The following RP1L1 variants were observed in gnomAD, a reference collection of about 807,000 sequenced individuals.
RP1L1 encodes RP1 like 1.
Under a neutral mutation model 15.7 loss-of-function variants are expected in RP1L1, and 27 were observed. The observed-to-expected ratio is 1.72, with a 90% CI of 1.27 to 2.38. The LOEUF is 2.38. Among genes scored for constraint, RP1L1 ranks in the 30% most tolerant of loss-of-function variants. The pLI is 0.00. For missense variants in RP1L1, 4,798 were observed against 3,075.9 expected, an observed-to-expected ratio of 1.56 and a Z score of -13.24; for synonymous variants, 1,813 against 1,276.7, an observed-to-expected ratio of 1.42 and a Z score of -8.96.
chr8:10,619,637 C>T (rs1353082244), intron 2 of RP1L1, among the ~76,000 whole-genome samples: 1 of 151,892 alleles, frequency 6.6e-6, no homozygotes, highest in African/African-American at 2.4e-5. Flanking sequence ...CTTAAGATGC[C>T]GAGAGAGGGC....
chr8:10,623,655 T>C (rs1272216261), intron 1 of RP1L1, among the ~76,000 whole-genome samples: 1 of 150,540 alleles, frequency 6.6e-6, no homozygotes, highest in East Asian at 2.0e-4. Context: ...AGCATTGCCA[T>C]GTCCCCAGCA....
At position 10,616,453 on chromosome 8, in the gene RP1L1, G is replaced by C. The variant is rs1300048849; in HGVS notation, c.744C>G (p.Asn248Lys). Residue 248 changes from asparagine (N) to lysine (K), a missense_variant, in exon 3 of 4, where the codon AAC (asparagine) becomes AAG (lysine). Asn to Lys is a moderately conservative substitution (Grantham distance 94, BLOSUM62 0). Transcript: ENST00000382483. ...ACCCAAAAACCAACTCACCGTTTTT[G>C]TTTCTTGAAGTCAGCCCAGATAAAG... The part of the protein sequence containing the change: ...AETLSGLTSR[N>K]KNGSWGPKTK... 2 of 1,614,096 alleles carry C rather than the reference G, an allele frequency of 1.2e-6. No homozygotes were observed. The highest frequency in any genetic ancestry group is 1.3e-5 in the African/African-American group (1 of 74,940).
rs267601691 is a variant in RP1L1 at position 10,611,916 on chromosome 8, G to A, written c.2182C>T (p.Pro728Ser). The change falls in exon 4 of 4, where the codon CCT becomes TCT. Residue 728 changes from proline to serine, a missense_variant. Pro to Ser is a moderately conservative substitution (Grantham distance 74). Coordinates refer to ENST00000382483, the MANE Select transcript of RP1L1 (RefSeq NM_178857.6). ...CTGGTTCCCAGAAGGTCCTGGGAAG[G>A]AAGAGAGCCCGAGGAGGGAGGTCTC... ...NLRPPSSGSL[P>S]SQDLLGTSSA... 5 of 1,613,898 alleles carry A rather than the reference G, an allele frequency of 3.1e-6. No homozygotes were observed. In the South Asian group the frequency reaches 4.4e-5, roughly 14 times the overall value.
chr8:10,621,815 A>G (rs1461392981), intron 2 of RP1L1: 8 of 480,834 alleles, frequency 1.7e-5, no homozygotes, highest in South Asian at 9.0e-5. Flanking sequence ...CTTGAACTCA[A>G]TAATCATAGT....
At chr8:10,619,453 G>T (rs1386020415) in intron 2 of RP1L1, among the ~76,000 whole-genome samples, 2 of 152,132 alleles carry the variant, frequency 1.3e-5, no homozygotes, top group African/African-American at 2.4e-5. Context: ...GGGTAATTCA[G>T]AGCACAGTCA....
Position 10,608,455 on chromosome 8 carries a change from T to A in RP1L1, c.5643A>T (p.Gly1881=), listed in dbSNP as rs112534810. ...SEDVEAPEAE[G]EAQPESEDVE... ...CATCTTCTGACTCTGGCTGGGCCTC[T>A]CCTTCTGCCTCTGGGGCCTCTACAT... Residue 1881 remains glycine, a synonymous_variant, in exon 4 of 4, where the codon GGA becomes GGT. Transcript: ENST00000382483. 4 of 1,562,076 alleles carry A rather than the reference T, an allele frequency of 2.6e-6. No homozygotes were observed. The highest frequency in any genetic ancestry group is 3.5e-6 in the Non-Finnish European group (4 of 1,147,560).
At chr8:10,627,797 G>C (rs1798181430) in intron 1 of RP1L1, among the ~76,000 whole-genome samples, 1 of 152,188 alleles carries the variant, frequency 6.6e-6, no homozygotes, top group Non-Finnish European at 1.5e-5. Flanking sequence ...CCACACAACA[G>C]AACTCTCTGG....
At chr8:10,622,264 G>A (rs1196635252) in intron 2 of RP1L1, among the ~76,000 whole-genome samples, 1 of 149,722 alleles carries the variant, frequency 6.7e-6, no homozygotes, top group Non-Finnish European at 1.5e-5. Flanking sequence ...AGGTTGCAGT[G>A]AGCCGAGATC....
At chr8:10,631,096 C>T (rs186321841) in intron 1 of RP1L1, among the ~76,000 whole-genome samples, 10 of 152,146 alleles carry the variant, frequency 6.6e-5, no homozygotes, top group African/African-American at 1.4e-4. Flanking sequence ...TGGTCGACTT[C>T]GGAACAGGGC....
rs1563123614 is a variant in RP1L1 at position 10,611,048 on chromosome 8, T to A, written c.3050A>T (p.Asp1017Val). The A allele has an allele frequency of 6.2e-7, 1 of 1,612,620 alleles. No homozygotes were observed. The highest frequency in any genetic ancestry group is 1.1e-5 in the South Asian group (1 of 91,058). ...AQAGQQSLEG[D>V]PGQDPEPEGA... ...CTCTGGCTCTGGGTCCTGGCCGGGG[T>A]CCCCTTCCAGGGACTGCTGTCCCGC... is the stretch of plus-strand genomic sequence containing the variant. Residue 1017 changes from aspartate to valine, a missense_variant, in exon 4 of 4, where the codon GAC (aspartate) becomes GTC (valine). Asp to Val is a radical substitution (Grantham distance 152, BLOSUM62 -3). Transcript: ENST00000382483.
intron 2 of RP1L1, 131 bp downstream of exon 2, chr8:10,622,462 T>C (rs1395712922): frequency 8.6e-7 from 1 of 1,168,734 alleles, no homozygotes; most frequent in East Asian, 2.3e-5. Flanking sequence ...GTCTCCATGC[T>C]GTTCACCTTT....
In RP1L1 at chr8:10,611,071, C is replaced by G. The variant is rs201640796; in HGVS notation, c.3027G>C (p.Ala1009=). The change falls in exon 4 of 4, where the codon GCG becomes GCC. Residue 1009 remains alanine (A), a synonymous_variant. Coordinates refer to ENST00000382483, the MANE Select transcript of RP1L1 (RefSeq NM_178857.6). The part of the protein sequence containing the change: ...SLEGLGEPAQ[A]GQQSLEGDPG... ...GGTCCCCTTCCAGGGACTGCTGTCC[C>G]GCCTGAGCTGGCTCCCCCAGGCCTT... 21 of 1,612,734 alleles carry G rather than the reference C, an allele frequency of 1.3e-5. No individual in the cohort carries two copies.
At position 10,608,981 on chromosome 8, in the gene RP1L1, G is replaced by A. The variant is rs749241014; in HGVS notation, c.5117C>T (p.Ala1706Val). 1.1e-5 allele frequency: 18 copies of A among 1,613,050 alleles called. No homozygotes were observed. In the East Asian group the frequency reaches 2.9e-4, roughly 26 times the overall value. Residue 1706 changes from alanine to valine, a missense_variant, in exon 4 of 4, where the codon GCA (alanine) becomes GTA (valine). Physicochemically the swap from Ala to Val is moderately conservative, Grantham distance 64 (BLOSUM62 0). Transcript: ENST00000382483. ...KRGEHTDGEA[A>V]EVAPGKTHTD... ...GTGGGTCTTGCCAGGGGCCACCTCTGCTGCCTCCCCATCAGTGTGTTCTCC... is the reference window on the plus strand; with the variant it reads ...GTGGGTCTTGCCAGGGGCCACCTCTACTGCCTCCCCATCAGTGTGTTCTCC...
rs1303016593 is a variant in RP1L1, at chr8:10,607,535, TC to T, written c.6562del (p.Glu2188ArgfsTer9). 3 of 1,606,920 alleles carry T rather than the reference TC, an allele frequency of 1.9e-6. No homozygotes were observed. Among genetic ancestry groups the T allele is most frequent in the Non-Finnish European group, 8.5e-7 (1 of 1,175,240 alleles). ...EGVEAPEAEG[E>X]AQPESEGIEA... Reference sequence around the variant, plus strand: ...TATACCTTCTGACTCTGGCTGGGCCTCCCCTTCTGCCTCTGGGGCCTCTACA... The same window carrying T: ...TATACCTTCTGACTCTGGCTGGGCCTCCCTTCTGCCTCTGGGGCCTCTACA... On this transcript the variant is annotated frameshift_variant, in exon 4 of 4. Transcript: ENST00000382483. LOFTEE classifies it low-confidence loss of function (END_TRUNC).
At chr8:10,642,680 C>T (rs961823890) in intron 1 of RP1L1, among the ~76,000 whole-genome samples, 1 of 152,204 alleles carries the variant, frequency 6.6e-6, no homozygotes, top group Admixed American at 6.5e-5. Context: ...CCACATTGCT[C>T]TCTGCTTCAT....
intron 1 of RP1L1, among the ~76,000 whole-genome samples, chr8:10,626,151 T>C (rs1410959771): frequency 6.6e-6 from 1 of 151,954 alleles, no homozygotes; most frequent in East Asian, 1.9e-4. Flanking sequence ...TTGGCAGCCC[T>C]GGGAGCAGAA....
rs1213543352 is a variant in RP1L1, at chr8:10,622,862, T to TG, written c.339dup (p.Ser114GlnfsTer24). 4 of 1,612,858 alleles carry TG rather than the reference T, an allele frequency of 2.5e-6. No homozygotes were observed. The South Asian group carries it at 3.3e-5, about 13-fold the overall frequency. ...CTCTCCTGTGGCCGGCCTGGTCCACTGGGGGTCTTGGGGGGCTTCTTATCA... is the reference window on the plus strand; with the variant it reads ...CTCTCCTGTGGCCGGCCTGGTCCACTGGGGGGTCTTGGGGGGCTTCTTATCA... On this transcript the variant is annotated frameshift_variant, in exon 2 of 4. Transcript: ENST00000382483. LOFTEE classifies it high-confidence loss of function.
At position 10,607,535 on chromosome 8, in the gene RP1L1, T is replaced by C. The variant is rs1215675450; in HGVS notation, c.6563A>G (p.Glu2188Gly). 10 of 1,606,920 alleles carry C rather than the reference T, an allele frequency of 6.2e-6. No homozygotes were observed. The highest frequency in any genetic ancestry group is 8.5e-6 in the Non-Finnish European group (10 of 1,175,240). The change falls in exon 4 of 4, where the codon GAG becomes GGG. Residue 2188 changes from glutamate to glycine, a missense_variant. Physicochemically the swap from Glu to Gly is moderately conservative, Grantham distance 98. Coordinates refer to ENST00000382483, the MANE Select transcript of RP1L1 (RefSeq NM_178857.6). The stretch of plus-strand genomic sequence containing the variant: ...TATACCTTCTGACTCTGGCTGGGCC[T>C]CCCCTTCTGCCTCTGGGGCCTCTAC... ...EGVEAPEAEG[E>G]AQPESEGIEA...
chr8:10,650,789 A>G (rs1244075589), intron 1 of RP1L1, among the ~76,000 whole-genome samples: 3 of 151,550 alleles, frequency 2.0e-5, no homozygotes, highest in Non-Finnish European at 2.9e-5. Flanking sequence ...CTATTCTCGA[A>G]CTCCTGACCT....
Sources: allele counts gnomAD v4.1 joint callset (sites outside exome capture counted in the v4.1 genomes callset), GRCh38; gene constraint gnomAD v4.1.1; transcripts MANE v1.5; gene names NCBI Gene and HGNC (gene_info 2026-07-23, HGNC 2026-07-21).